The following GAPDHS variants were observed in gnomAD, a reference collection of about 807,000 sequenced individuals.
GAPDHS encodes glyceraldehyde-3-phosphate dehydrogenase, testis-specific.
GAPDHS carries 42 observed loss-of-function variants against 48.7 expected under a neutral mutation model. That is an observed-to-expected ratio of 0.86 (90% CI 0.67 to 1.12). The LOEUF (loss-of-function observed/expected upper bound fraction) is 1.12. GAPDHS is among the 50% of genes most tolerant of loss of function. The probability of loss-of-function intolerance (pLI) is 0.00; values close to 1 mark genes in which losing one functional copy is unlikely to be tolerated. For missense variants in GAPDHS, 512 were observed against 557.7 expected (o/e 0.92, Z 0.82); for synonymous variants, 166 against 219.1 (o/e 0.76, Z 2.14).
At chr19:35,539,384 T>G (rs559796839) in intron 4 of GAPDHS, among the ~76,000 whole-genome samples, 1 of 152,352 alleles carries the variant, frequency 6.6e-6, no homozygotes, top group Non-Finnish European at 1.5e-5. Context: ...CATCATGGCC[T>G]GAACCAGTGT....
rs1308064144 is a variant in GAPDHS, at chr19:35,543,459, A to T, written c.861A>T (p.Lys287Asn). The T allele has an allele frequency of 1.2e-6, 2 of 1,606,222 alleles. No individual in the cohort carries two copies. Among genetic ancestry groups the T allele is most frequent in the South Asian group, 2.2e-5 (2 of 90,140 alleles). Residue 287 changes from lysine (K) to asparagine (N), a missense_variant, in exon 8 of 11, where the codon AAA (lysine) becomes AAT (asparagine). Coordinates refer to ENST00000222286, the MANE Select transcript of GAPDHS (RefSeq NM_014364.5). ...NIIPASTGAA[K>N]AVTKVIPELK... ...TCCCAGCCTCCACTGGGGCTGCGAA[A>T]GCTGTGACCAAAGTCATCCCAGAGC...
chr19:35,535,010 T>C (rs2071456123), intron 1 of GAPDHS, among the ~76,000 whole-genome samples: 1 of 152,160 alleles, frequency 6.6e-6, no homozygotes, highest in Non-Finnish European at 1.5e-5. Context: ...AATCAGCTCC[T>C]ATGTGTGGGC....
At chr19:35,540,928 A>C (rs1453373730) in intron 4 of GAPDHS, 1 of 152,102 alleles carries the variant, frequency 6.6e-6, no homozygotes, top group Non-Finnish European at 1.5e-5. Flanking sequence ...CAGGAGTTTG[A>C]GACCAGCCTG....
At chr19:35,537,182 T>C (rs1439042817) in intron 2 of GAPDHS, among the ~76,000 whole-genome samples, 192 bp downstream of exon 2, 2 of 152,078 alleles carry the variant, frequency 1.3e-5, no homozygotes, top group Admixed American at 6.5e-5. Flanking sequence ...AGTAATCAAA[T>C]AAAGAAATTA....
intron 4 of GAPDHS, among the ~76,000 whole-genome samples, chr19:35,539,586 C>T (rs2071488057): frequency 6.6e-6 from 1 of 152,026 alleles, no homozygotes; most frequent in Non-Finnish European, 1.5e-5. Context: ...TACACACAGG[C>T]ACACTAGTGA....
chr19:35,544,806 T>C (rs557441104), intron 9 of GAPDHS, 103 bp from the exon 10 acceptor site: 22 of 768,762 alleles, frequency 2.9e-5, no homozygotes, highest in African/African-American at 2.4e-4. Context: ...TCAAATATTA[T>C]AGATGAATGC....
Position 35,543,482 on chromosome 19 carries a change from A to C in GAPDHS, c.884A>C (p.Glu295Ala). The change falls in exon 8 of 11, where the codon GAG (glutamate) becomes GCG (alanine). Residue 295 changes from glutamate to alanine, a missense_variant. Physicochemically the swap from Glu to Ala is moderately radical, Grantham distance 107 (BLOSUM62 -1). Transcript: ENST00000222286. The part of the protein sequence containing the change: ...AAKAVTKVIP[E>A]LKGKLTGMAF... The stretch of plus-strand genomic sequence containing the variant: ...AAAGCTGTGACCAAAGTCATCCCAG[A>C]GCTCAAAGGGTATGAGGACAAGAAG... 1.2e-6 allele frequency: 2 copies of C among 1,605,484 alleles called. No individual in the cohort carries two copies. Among genetic ancestry groups the C allele is most frequent in the South Asian group, 1.1e-5 (1 of 90,144 alleles).
intron 7 of GAPDHS, 69 bp downstream of exon 7, chr19:35,543,095 T>C: frequency 8.0e-7 from 1 of 1,253,078 alleles, no homozygotes; most frequent in Non-Finnish European, 1.2e-6. Flanking sequence ...CGGGCCTTGC[T>C]TACTGTATGG....
In GAPDHS at chr19:35,537,975, C is replaced by T. The variant is rs570116142; in HGVS notation, c.246-332C>T. Among the ~76,000 whole-genome samples the T allele has an allele frequency of 1.1e-4, 17 of 152,268 alleles. No homozygotes were observed. The South Asian group carries it at 1.5e-3, about 13-fold the overall frequency. On this transcript the variant is annotated intron_variant, in intron 2 of 10. Coordinates refer to ENST00000222286, the MANE Select transcript of GAPDHS (RefSeq NM_014364.5). ...CCTGTAGTCCCAGCTACTTGGGAGG[C>T]TGAGGCAGGAGAATCACTTGAACCC...
intron 4 of GAPDHS, 86 bp downstream of exon 4, chr19:35,538,769 A>C: frequency 8.2e-6 from 7 of 849,466 alleles, no homozygotes; most frequent in Non-Finnish European, 1.4e-5. Context: ...CCAGCCTCTC[A>C]CATGGGGTGC....
intron 7 of GAPDHS, 151 bp downstream of exon 7, chr19:35,543,177 C>T: frequency 2.0e-6 from 2 of 1,012,486 alleles, no homozygotes; most frequent in South Asian, 1.4e-5. Flanking sequence ...CACTGTGCAA[C>T]CCTCAGGCAA....
chr19:35,538,606 C>T lies in GAPDHS; in HGVS notation c.372C>T (p.His124=), dbSNP rs774149042. 1.2e-5 allele frequency: 19 copies of T among 1,610,962 alleles called. No homozygotes were observed. The highest frequency in any genetic ancestry group is 1.7e-5 in the Admixed American group (1 of 59,992). Residue 124 remains histidine, a synonymous_variant, in exon 4 of 11, where the codon CAC becomes CAT. Coordinates refer to ENST00000222286, the MANE Select transcript of GAPDHS (RefSeq NM_014364.5). ...MVYMFKYDST[H]GRYKGSVEFR... ...ACATGTTTAAGTATGACTCCACCCA[C>T]GGCCGATACAAGGGAAGTGTGGAAT...
chr19:35,535,915 T>C (rs1359257802), intron 1 of GAPDHS, among the ~76,000 whole-genome samples: 2 of 151,626 alleles, frequency 1.3e-5, no homozygotes, highest in Non-Finnish European at 2.9e-5. Flanking sequence ...GATTACAGTA[T>C]TTTTAGTAGA....
At chr19:35,536,297 C>T (rs937184951) in intron 1 of GAPDHS, among the ~76,000 whole-genome samples, 4 of 151,884 alleles carry the variant, frequency 2.6e-5, no homozygotes, top group Non-Finnish European at 4.4e-5. Context: ...GTACATACCC[C>T]GGCCAGGCGC....
At chr19:35,542,440 TG>T in intron 5 of GAPDHS, 31 bp downstream of exon 5, 2 of 1,602,662 alleles carry the variant, frequency 1.2e-6, no homozygotes, top group Non-Finnish European at 1.7e-6. Context: ...CAGGGCTAGC[TG>T]GGGGGATGAT....
chr19:35,539,356 C>T (rs1416208506), intron 4 of GAPDHS, among the ~76,000 whole-genome samples: 1 of 152,230 alleles, frequency 6.6e-6, no homozygotes, highest in African/African-American at 2.4e-5. Flanking sequence ...CTTGTGCGAA[C>T]ATCCGAACAT....
At chr19:35,544,625 C>T in intron 9 of GAPDHS, 1 of 449,224 alleles carries the variant, frequency 2.2e-6, no homozygotes, top group Non-Finnish European at 4.1e-6. Context: ...AGAGGCCCTC[C>T]ATGCTGGCCC....
intron 9 of GAPDHS, 74 bp downstream of exon 9, chr19:35,543,901 G>A (rs2146298118): frequency 2.0e-6 from 3 of 1,464,006 alleles, no homozygotes; most frequent in Non-Finnish European, 2.7e-6. Context: ...CCAGGGAGCT[G>A]CTCTCAATGT....
chr19:35,533,533 G>A lies in GAPDHS; in HGVS notation c.6G>A (p.Ser2=). 3.7e-6 allele frequency: 6 copies of A among 1,613,596 alleles called. No homozygotes were observed. The highest frequency in any genetic ancestry group is 5.1e-6 in the Non-Finnish European group (6 of 1,179,800). Residue 2 remains serine, a synonymous_variant, in exon 1 of 11, where the codon TCG becomes TCA. Transcript: ENST00000222286. M[S]KRDIVLTNVT... ...TGATAACCTTATAAGAGGCCATGTC[G>A]AAGCGCGACATCGTCCTCACCAATG... is the stretch of plus-strand genomic sequence containing the variant.
Sources: allele counts gnomAD v4.1 joint callset (sites outside exome capture counted in the v4.1 genomes callset), GRCh38; gene constraint gnomAD v4.1.1; transcripts MANE v1.5; gene names NCBI Gene and HGNC (gene_info 2026-07-23, HGNC 2026-07-21).